Variants in RPF1 observed in about 807,000 individuals in gnomAD.
RPF1 encodes the protein ribosome production factor 1.
In RPF1, 34 loss-of-function variants were observed where a neutral mutation model predicts 41.9. The ratio of observed to expected loss-of-function variants is 0.81; its 90% CI spans 0.62 to 1.08. RPF1 has a LOEUF of 1.08. RPF1 is among the 50% of genes least tolerant of loss of function. RPF1 has a pLI of 0.00. For missense variants in RPF1, 425 were observed against 435.2 expected, an observed-to-expected ratio of 0.98 and a Z score of 0.21; for synonymous variants, 140 against 148.9, an observed-to-expected ratio of 0.94 and a Z score of 0.43.
chr1:84,497,662 A>C lies in RPF1; in HGVS notation c.*192A>C. On this transcript the variant is annotated 3_prime_UTR_variant, in exon 9 of 9. Transcript: ENST00000370654. ...GAAAATACAAATAAAAGTTATTTTG[A>C]TGGCTTAGGTTTCCTTAAACTTAGT... is the stretch of plus-strand genomic sequence containing the variant. 2.2e-6 allele frequency: 1 copy of C among 459,316 alleles called. No homozygotes were observed. The highest frequency in any genetic ancestry group is 4.0e-6 in the Non-Finnish European group (1 of 252,550). The allele number at this position is 459,316 out of a possible 1,614,324, so 28.5% of individuals were successfully genotyped here. A position where few individuals can be genotyped will look rare whatever the true frequency, so the allele number is the denominator to read the frequency against.
intron 1 of RPF1, among the ~76,000 whole-genome samples, 182 bp from the exon 2 acceptor site, chr1:84,480,774 G>C: frequency 6.6e-6 from 1 of 152,084 alleles, no homozygotes; most frequent in East Asian, 1.9e-4. Flanking sequence ...TTATTGATTG[G>C]CCAGCTCATT....
chr1:84,487,717 C>G (rs971041871), intron 3 of RPF1, among the ~76,000 whole-genome samples: 1 of 152,018 alleles, frequency 6.6e-6, no homozygotes, highest in Non-Finnish European at 1.5e-5. Flanking sequence ...AGTTGCCTCT[C>G]GTATTTATTT....
At chr1:84,491,035 A>G (rs1570350753) in intron 5 of RPF1, among the ~76,000 whole-genome samples, 1 of 148,890 alleles carries the variant, frequency 6.7e-6, no homozygotes, top group Middle Eastern at 3.4e-3. Flanking sequence ...ACATTGCCAG[A>G]GGTGGTATCA....
rs1217079516 is a variant in RPF1 at position 84,497,724 on chromosome 1, G to A, written c.*254G>A. ...TGGGTAACTGTGAATAATTAAGTTG[G>A]AATCAAGATTCAGATTAACTTTCCT... On this transcript the variant is annotated 3_prime_UTR_variant, in exon 9 of 9. Coordinates refer to ENST00000370654, the MANE Select transcript of RPF1 (RefSeq NM_025065.7). 2.8e-6 allele frequency: 1 copy of A among 357,168 alleles called. No homozygotes were observed. The highest frequency in any genetic ancestry group is 5.1e-6 in the Non-Finnish European group (1 of 194,824). The allele number at this position is 357,168 out of a possible 1,614,324, so 22.1% of individuals were successfully genotyped here.
intron 6 of RPF1, 61 bp from the exon 7 acceptor site, chr1:84,495,821 T>C (rs1681924982): frequency 2.8e-6 from 3 of 1,089,610 alleles, no homozygotes; most frequent in African/African-American, 1.6e-5. Flanking sequence ...TGAAATTGCA[T>C]TGGGACGTAT....
intron 5 of RPF1, among the ~76,000 whole-genome samples, chr1:84,492,318 G>GA (rs1681848690): frequency 6.6e-6 from 1 of 152,200 alleles, no homozygotes; most frequent in African/African-American, 2.4e-5. Context: ...AAGACCATTG[G>GA]AGGGGCTACT....
At chr1:84,481,475 G>A (rs1681645252) in intron 2 of RPF1, among the ~76,000 whole-genome samples, 1 of 152,212 alleles carries the variant, frequency 6.6e-6, no homozygotes. Flanking sequence ...CAAGGCTGGG[G>A]AAAGGCAGGA....
At chr1:84,496,425 G>A in intron 8 of RPF1, 55 bp downstream of exon 8, 2 of 1,476,872 alleles carry the variant, frequency 1.4e-6, no homozygotes, top group Admixed American at 2.0e-5. Context: ...GGGATAAGAG[G>A]GTGGGAGGAG....
chr1:84,490,779 G>T (rs1039864125), intron 5 of RPF1, among the ~76,000 whole-genome samples: 3 of 152,160 alleles, frequency 2.0e-5, no homozygotes, highest in Admixed American at 2.0e-4. Context: ...ATATAGTGTG[G>T]ATGGTACAAT....
chr1:84,486,513 G>A (rs1020490407), intron 3 of RPF1, among the ~76,000 whole-genome samples: 37 of 151,312 alleles, frequency 2.4e-4, no homozygotes, highest in Non-Finnish European at 5.0e-4. Flanking sequence ...GCGTGAACCC[G>A]GGAGGCGGAG....
intron 5 of RPF1, among the ~76,000 whole-genome samples, chr1:84,491,960 A>C (rs1681842056): frequency 1.3e-5 from 2 of 152,206 alleles, no homozygotes; most frequent in Non-Finnish European, 2.9e-5. Flanking sequence ...CAGGAGTTTG[A>C]GACCAGCCTA....
intron 2 of RPF1, among the ~76,000 whole-genome samples, chr1:84,481,531 G>T (rs1433294539): frequency 3.9e-5 from 6 of 152,194 alleles, no homozygotes; most frequent in African/African-American, 1.4e-4. Context: ...TTAAGCTTTA[G>T]AGCTGGTACA....
At chr1:84,494,239 G>A (rs1002429816) in intron 5 of RPF1, among the ~76,000 whole-genome samples, 1 of 152,156 alleles carries the variant, frequency 6.6e-6, no homozygotes, top group African/African-American at 2.4e-5. Context: ...AAGACAGTAA[G>A]GGTAAAGAGG....
intron 3 of RPF1, among the ~76,000 whole-genome samples, chr1:84,487,338 G>A (rs1308494926): frequency 1.3e-5 from 2 of 152,152 alleles, no homozygotes; most frequent in African/African-American, 4.8e-5. Context: ...ATAAAAGGCT[G>A]TCTCATTGTG....
At chr1:84,487,938 G>C (rs1450044884) in intron 3 of RPF1, among the ~76,000 whole-genome samples, 1 of 151,808 alleles carries the variant, frequency 6.6e-6, no homozygotes, top group Non-Finnish European at 1.5e-5. Context: ...TATATTTTTG[G>C]AGTAGTGCAG....
chr1:84,479,477 A>C lies in RPF1; in HGVS notation c.196A>C (p.Met66Leu), dbSNP rs375909828. 1.2e-6 allele frequency: 2 copies of C among 1,614,212 alleles called. No individual in the cohort carries two copies. Among genetic ancestry groups the C allele is most frequent in the Non-Finnish European group, 1.7e-6 (2 of 1,180,012 alleles). ...EIKNKQRRHL[M>L]FTRWKQQQRK... ...TAAAAACAAACAGCGGCGACACTTA[A>C]TGTTCACGCGGTGGAAACAGCAGCA... Residue 66 changes from methionine to leucine, a missense_variant, in exon 1 of 9, where the codon ATG becomes CTG. Coordinates refer to ENST00000370654, the MANE Select transcript of RPF1 (RefSeq NM_025065.7).
chr1:84,479,344 T>G lies in RPF1; in HGVS notation c.63T>G (p.Ala21=), dbSNP rs187004394. The change falls in exon 1 of 9, where the codon GCT becomes GCG. Residue 21 remains alanine, a synonymous_variant. Coordinates refer to ENST00000370654, the MANE Select transcript of RPF1 (RefSeq NM_025065.7). ...AGAAAAGTCTAAAACGGAAAGCCGC[T>G]GCCGAAGAACTTCAGGAGGCTGCAG... ...SGKKSLKRKA[A]AEELQEAAGA... 37 of 1,612,980 alleles carry G rather than the reference T, an allele frequency of 2.3e-5. No homozygotes were observed. The Admixed American group carries it at 6.0e-4, about 26-fold the overall frequency.
chr1:84,482,733 TTAA>T (rs1350325181), intron 2 of RPF1, among the ~76,000 whole-genome samples, 179 bp from the exon 3 acceptor site: 1 of 143,254 alleles, frequency 7.0e-6, no homozygotes, highest in African/African-American at 2.6e-5. Flanking sequence ...CCCAGATTGT[TTAA>T]AAAAAAAAAA....
Position 84,497,488 on chromosome 1 carries a change from A to T in RPF1, c.*18A>T. ...ATTTATAAAGTACTGAGAGAATGAT[A>T]TTGGATTTTGCTGAACAGGCCTATC... On this transcript the variant is annotated 3_prime_UTR_variant, in exon 9 of 9. Coordinates refer to ENST00000370654, the MANE Select transcript of RPF1 (RefSeq NM_025065.7). 6.3e-7 allele frequency: 1 copy of T among 1,591,846 alleles called. No homozygotes were observed. The highest frequency in any genetic ancestry group is 8.6e-7 in the Non-Finnish European group (1 of 1,163,592).
Sources: gnomAD v4.1 joint callset for allele counts (sites outside exome capture counted in the v4.1 genomes callset) on GRCh38, gnomAD v4.1.1 for gene constraint, MANE v1.5 for transcripts, NCBI Gene and HGNC (gene_info 2026-07-23, HGNC 2026-07-21) for gene names.